The following TAFA4 variants were observed in gnomAD, a reference collection of about 807,000 sequenced individuals.
TAFA4 encodes TAFA chemokine like family member 4.
A neutral mutation model predicts 21.1 loss-of-function variants in TAFA4; 20 were observed. The observed-to-expected ratio is 0.95, with a 90% confidence interval of 0.67 to 1.38. The LOEUF is 1.38. TAFA4 is among the 40% of genes most tolerant of loss of function. TAFA4 has a pLI of 0.00. For synonymous variants in TAFA4, 71 were observed against 67.4 expected (o/e 1.05, Z -0.26); for missense variants, 211 against 180.9 (o/e 1.17, Z -0.95).
intron 4 of TAFA4, among the ~76,000 whole-genome samples, chr3:68,750,777 G>C (rs1475189308): frequency 6.6e-6 from 1 of 152,170 alleles, no homozygotes; most frequent in Admixed American, 6.5e-5. Flanking sequence ...AATATAAAAA[G>C]AGTTTGTTAG....
At chr3:68,846,991 G>A (rs1296531195) in intron 3 of TAFA4, among the ~76,000 whole-genome samples, 1 of 152,130 alleles carries the variant, frequency 6.6e-6, no homozygotes, top group Non-Finnish European at 1.5e-5. Flanking sequence ...GGAGGCATGG[G>A]GGTCAGGGAC....
At chr3:68,820,932 G>A (rs937763325) in intron 3 of TAFA4, among the ~76,000 whole-genome samples, 21 of 152,190 alleles carry the variant, frequency 1.4e-4, no homozygotes, top group Admixed American at 5.9e-4. Flanking sequence ...ATTTTGTTTC[G>A]AAATTGGTAA....
chr3:68,851,872 A>G (rs182693585), intron 3 of TAFA4, among the ~76,000 whole-genome samples: 1 of 152,236 alleles, frequency 6.6e-6, no homozygotes, highest in East Asian at 1.9e-4. Flanking sequence ...TGGAGACAAT[A>G]TTGAGATCAG....
intron 3 of TAFA4, among the ~76,000 whole-genome samples, chr3:68,842,061 C>T (rs2106895421): frequency 6.6e-6 from 1 of 152,270 alleles, no homozygotes; most frequent in Non-Finnish European, 1.5e-5. Flanking sequence ...GGTATATACA[C>T]AGTAATGGGA....
chr3:68,787,260 C>T (rs182554036), intron 3 of TAFA4, among the ~76,000 whole-genome samples: 10 of 152,184 alleles, frequency 6.6e-5, no homozygotes, highest in Admixed American at 4.6e-4. Flanking sequence ...TCAGCGGAGA[C>T]TGAAATTGCA....
chr3:68,741,956 A>T (rs1273345450), intron 4 of TAFA4, among the ~76,000 whole-genome samples: 1 of 152,212 alleles, frequency 6.6e-6, no homozygotes, highest in Non-Finnish European at 1.5e-5. Flanking sequence ...TCCTTGATAA[A>T]CATACATCAA....
chr3:68,793,287 C>T (rs1013594458), intron 3 of TAFA4, among the ~76,000 whole-genome samples: 4 of 152,112 alleles, frequency 2.6e-5, no homozygotes, highest in African/African-American at 9.7e-5. Context: ...TTTTAAATTC[C>T]ACCAAGCAGA....
At chr3:68,822,979 A>G (rs1442064628) in intron 3 of TAFA4, among the ~76,000 whole-genome samples, 2 of 152,202 alleles carry the variant, frequency 1.3e-5, no homozygotes, top group Non-Finnish European at 2.9e-5. Context: ...GGCATTTCCC[A>G]AATGAATAGG....
At chr3:68,768,920 C>A (rs185569937) in intron 3 of TAFA4, among the ~76,000 whole-genome samples, 1 of 152,208 alleles carries the variant, frequency 6.6e-6, no homozygotes, top group African/African-American at 2.4e-5. Flanking sequence ...CAGTGGGAAC[C>A]AGAGCTAAGA....
intron 3 of TAFA4, among the ~76,000 whole-genome samples, chr3:68,790,641 A>C (rs115270329): frequency 6.6e-6 from 1 of 152,198 alleles, no homozygotes; most frequent in Non-Finnish European, 1.5e-5. Flanking sequence ...CCCCTAAATG[A>C]CTACTGCAAA....
chr3:68,861,007 G>T (rs1293991813), intron 3 of TAFA4, among the ~76,000 whole-genome samples: 1 of 149,502 alleles, frequency 6.7e-6, no homozygotes, highest in Non-Finnish European at 1.5e-5. Flanking sequence ...CCATCTGTTA[G>T]CATTTTGTGA....
intron 1 of TAFA4, among the ~76,000 whole-genome samples, chr3:68,903,654 A>T (rs1575665746): frequency 6.6e-6 from 1 of 152,216 alleles, no homozygotes; most frequent in Admixed American, 6.5e-5. Context: ...TGGGTTTTTT[A>T]AACTTTCATT....
intron 3 of TAFA4, among the ~76,000 whole-genome samples, chr3:68,850,699 G>A (rs1039684561): frequency 6.6e-6 from 1 of 151,258 alleles, no homozygotes; most frequent in Non-Finnish European, 1.5e-5. Flanking sequence ...CTTTTGAGAA[G>A]TGTTCGTGTC....
chr3:68,841,736 C>T (rs1384726510), intron 3 of TAFA4, among the ~76,000 whole-genome samples: 2 of 151,978 alleles, frequency 1.3e-5, no homozygotes, highest in Non-Finnish European at 2.9e-5. Context: ...GTGATGTTCC[C>T]CTCCCTGTGT....
At chr3:68,894,635 C>T (rs1393496866) in intron 1 of TAFA4, among the ~76,000 whole-genome samples, 3 of 152,118 alleles carry the variant, frequency 2.0e-5, no homozygotes, top group Admixed American at 2.0e-4. Context: ...ACTGGAAAGA[C>T]AAAAACACAC....
At chr3:68,776,037 T>C (rs1475967802) in intron 3 of TAFA4, among the ~76,000 whole-genome samples, 1 of 151,860 alleles carries the variant, frequency 6.6e-6, no homozygotes, top group Admixed American at 6.6e-5. Context: ...CAAAATATAG[T>C]ACAAAAATTA....
intron 3 of TAFA4, among the ~76,000 whole-genome samples, chr3:68,797,928 A>T (rs941676178): frequency 2.6e-5 from 4 of 152,232 alleles, no homozygotes; most frequent in Non-Finnish European, 5.9e-5. Context: ...ACACTTAAAA[A>T]TTGGTAAAAT....
rs1320928444 is a variant in TAFA4, at chr3:68,861,037, C to A, written c.130+19693G>T. ...TTGTGATGTTAAATATGCACCCCCCCCCCGCCCCCACGACTCAGCAATCCT... is the reference window on the plus strand; with the variant it reads ...TTGTGATGTTAAATATGCACCCCCCACCCGCCCCCACGACTCAGCAATCCT... On this transcript the variant is annotated intron_variant, in intron 3 of 5. Coordinates refer to ENST00000295569, the MANE Select transcript of TAFA4 (RefSeq NM_182522.5). Among the ~76,000 whole-genome samples, 10 of 133,752 alleles carry A rather than the reference C, an allele frequency of 7.5e-5. No homozygotes were observed. The South Asian group carries it at 9.1e-4, about 12-fold the overall frequency. The allele number at this position is 133,752 out of a possible 152,430, so 87.7% of individuals were successfully genotyped here.
intron 3 of TAFA4, among the ~76,000 whole-genome samples, chr3:68,783,268 C>T (rs1272400842): frequency 1.3e-5 from 2 of 152,112 alleles, no homozygotes; most frequent in East Asian, 3.9e-4. Flanking sequence ...AACTAGAGGT[C>T]CTAGCCAGTG....
Sources: gnomAD v4.1 joint callset for allele counts (sites outside exome capture counted in the v4.1 genomes callset) on GRCh38, gnomAD v4.1.1 for gene constraint, MANE v1.5 for transcripts, NCBI Gene and HGNC (gene_info 2026-07-23, HGNC 2026-07-21) for gene names.